IWS1: variants seen among roughly 807,000 people sequenced by gnomAD.
The protein encoded by IWS1 is protein IWS1 homolog.
In IWS1, 27 loss-of-function variants were observed where a neutral mutation model predicts 86.7. The observed-to-expected ratio is 0.31, with a 90% CI of 0.23 to 0.43. IWS1 has a LOEUF of 0.43. Among genes scored for constraint, IWS1 ranks in the 20% least tolerant of loss-of-function variants. The probability of loss-of-function intolerance (pLI) is 1.00; values close to 1 mark genes in which losing one functional copy is unlikely to be tolerated. For missense variants in IWS1, 827 were observed against 1,000.8 expected (o/e 0.83, Z 2.34); for synonymous variants, 313 against 335.1 (o/e 0.93, Z 0.72).
At chr2:127,524,236 C>A (rs936103262) in intron 1 of IWS1, among the ~76,000 whole-genome samples, 7 of 152,172 alleles carry the variant, frequency 4.6e-5, no homozygotes, top group Non-Finnish European at 8.8e-5. Flanking sequence ...CTGCCTAGTA[C>A]CTGATATACA....
Position 127,520,456 on chromosome 2 carries a change from C to T in IWS1, c.150+3220G>A, listed in dbSNP as rs146030671. Among the ~76,000 whole-genome samples the T allele has an allele frequency of 9.5e-3, 1,450 of 152,286 alleles. 28 individuals are homozygous for T. Among genetic ancestry groups the T allele is most frequent in the African/African-American group, 0.033 (1,374 of 41,560 alleles). ...TGCTGGGATTACAGGCAAGGGCCAC[C>T]ACGCCCGGCCTTTGCACTGCTTCAT... On this transcript the variant is annotated intron_variant, in intron 2 of 13. Transcript: ENST00000295321.
chr2:127,517,236 A>T (rs1691824473), intron 2 of IWS1, among the ~76,000 whole-genome samples: 1 of 152,182 alleles, frequency 6.6e-6, no homozygotes, highest in Admixed American at 6.5e-5. Context: ...TCTCTGCAGA[A>T]ATCAACAAAC....
intron 2 of IWS1, among the ~76,000 whole-genome samples, chr2:127,521,695 T>C (rs1415530235): frequency 1.3e-5 from 2 of 152,226 alleles, no homozygotes; most frequent in Non-Finnish European, 2.9e-5. Context: ...AACGGTTGTA[T>C]GGGTACTCAA....
Position 127,503,390 on chromosome 2 carries a change from TCTTCATTGC to T in IWS1, c.1397_1405del (p.Gly466_Glu468del). 1 of 1,610,646 alleles carries T rather than the reference TCTTCATTGC, an allele frequency of 6.2e-7. No homozygotes were observed. The highest frequency in any genetic ancestry group is 1.3e-5 in the African/African-American group (1 of 74,948). ...CTCATGTTATACTGTCACTTACTCTTCTTCATTGCCTGACTCACTGTCACTCCCAAACAG... is the reference window on the plus strand; with the variant it reads ...CTCATGTTATACTGTCACTTACTCTTCTGACTCACTGTCACTCCCAAACAG... On this transcript the variant is annotated inframe_deletion, in exon 4 of 14. Transcript: ENST00000295321.
At chr2:127,524,865 G>A (rs576885234) in intron 1 of IWS1, among the ~76,000 whole-genome samples, 1 of 124,862 alleles carries the variant, frequency 8.0e-6, no homozygotes, top group East Asian at 2.5e-4. Flanking sequence ...AAAGTATCAG[G>A]AAAGTGTTTT....
At chr2:127,520,977 A>C (rs1692061814) in intron 2 of IWS1, among the ~76,000 whole-genome samples, 2 of 152,252 alleles carry the variant, frequency 1.3e-5, no homozygotes, top group African/African-American at 4.8e-5. Context: ...AATAATACAT[A>C]GGCTGGGCAC....
intron 5 of IWS1, among the ~76,000 whole-genome samples, chr2:127,501,059 T>C (rs1221244051): frequency 2.0e-5 from 3 of 152,238 alleles, no homozygotes; most frequent in East Asian, 3.8e-4. Flanking sequence ...TCATTTTGTA[T>C]AGTCAATACT....
Position 127,498,245 on chromosome 2 carries a change from C to G in IWS1, c.1468-8G>C, listed in dbSNP as rs1238691734. ...ATCTTCTTGGTTAAAACCCTAAATGCAAAATTATCACAACCTCCTTACAGA... is the reference window on the plus strand; with the variant it reads ...ATCTTCTTGGTTAAAACCCTAAATGGAAAATTATCACAACCTCCTTACAGA... On this transcript the variant is annotated splice_polypyrimidine_tract_variant and splice_region_variant and intron_variant, in intron 5 of 13. Transcript: ENST00000295321. The G allele has an allele frequency of 6.2e-7, 1 of 1,603,540 alleles. No homozygotes were observed. Among genetic ancestry groups the G allele is most frequent in the African/African-American group, 1.3e-5 (1 of 74,562 alleles).
At chr2:127,501,044 AC>A (rs1192270054) in intron 5 of IWS1, among the ~76,000 whole-genome samples, 1 of 152,248 alleles carries the variant, frequency 6.6e-6, no homozygotes, top group Non-Finnish European at 1.5e-5. Context: ...CACATTAAAT[AC>A]ATTTCATTTT....
intron 10 of IWS1, among the ~76,000 whole-genome samples, chr2:127,490,470 A>G (rs1360757686): frequency 6.6e-6 from 1 of 152,162 alleles, no homozygotes; most frequent in Non-Finnish European, 1.5e-5. Context: ...CATGAAAGAA[A>G]GTATATGCCA....
chr2:127,485,886 T>C (rs334159), intron 13 of IWS1: 132,858 of 152,512 alleles, frequency 0.87, 58,143 homozygotes, highest in East Asian at 1. Context: ...CTCGTGTATA[T>C]ACTCTGGTAG....
intron 13 of IWS1, chr2:127,482,761 A>G (rs2105015387): frequency 1.3e-5 from 2 of 152,368 alleles, no homozygotes; most frequent in Admixed American, 1.3e-4. Flanking sequence ...ACTTACCCCA[A>G]GCTTGAAAAG....
rs552370340 is a variant in IWS1, at chr2:127,523,124, T to C, written c.150+552A>G. Reference sequence around the variant, plus strand: ...CTCGGGAGGCTATGAGGTGGGAGGATAGCTTGAGCCCAGAGGCAGAGGCTG... The same window carrying C: ...CTCGGGAGGCTATGAGGTGGGAGGACAGCTTGAGCCCAGAGGCAGAGGCTG... On this transcript the variant is annotated intron_variant, in intron 2 of 13. Coordinates refer to ENST00000295321, the MANE Select transcript of IWS1 (RefSeq NM_017969.3). 1.2e-3 allele frequency among the ~76,000 whole-genome samples: 190 copies of C among 152,182 alleles called. 2 individuals are homozygous for C. The highest frequency in any genetic ancestry group is 3.7e-3 in the African/African-American group (153 of 41,518).
At chr2:127,488,310 C>T (rs1423446980) in intron 12 of IWS1, among the ~76,000 whole-genome samples, 1 of 152,202 alleles carries the variant, frequency 6.6e-6, no homozygotes, top group Non-Finnish European at 1.5e-5. Context: ...GTTCTAGACC[C>T]ATAATATTTA....
intron 2 of IWS1, among the ~76,000 whole-genome samples, chr2:127,515,869 G>C (rs1691738224): frequency 6.6e-6 from 1 of 152,164 alleles, no homozygotes. Flanking sequence ...TTCCTTCCCA[G>C]GAAGAGCAGG....
At chr2:127,518,849 C>T (rs191531066) in intron 2 of IWS1, among the ~76,000 whole-genome samples, 2 of 152,114 alleles carry the variant, frequency 1.3e-5, no homozygotes, top group Admixed American at 6.5e-5. Flanking sequence ...GGATTACAGG[C>T]GTCAGTCACC....
intron 13 of IWS1, chr2:127,482,566 A>C (rs947742775): frequency 1.3e-5 from 2 of 152,242 alleles, no homozygotes; most frequent in Non-Finnish European, 2.9e-5. Context: ...CGGAAGCTTT[A>C]CCTGCTCAAA....
chr2:127,520,691 G>A (rs1182046430), intron 2 of IWS1, among the ~76,000 whole-genome samples: 1 of 152,160 alleles, frequency 6.6e-6, no homozygotes, highest in Non-Finnish European at 1.5e-5. Flanking sequence ...TCTATGAAGA[G>A]CCTTAAAATG....
In IWS1 at chr2:127,494,992, G is replaced by A. The variant is rs147342413; in HGVS notation, c.1717-38C>T. On this transcript the variant is annotated intron_variant, in intron 7 of 13. Coordinates refer to ENST00000295321, the MANE Select transcript of IWS1 (RefSeq NM_017969.3). Reference sequence around the variant, plus strand: ...AAAATAAAGATTTTTTTTTAAAACAGTACTTTTTATTAATATTGAATTCAC... The same window carrying A: ...AAAATAAAGATTTTTTTTTAAAACAATACTTTTTATTAATATTGAATTCAC... 2,531 of 1,300,048 alleles carry A rather than the reference G, an allele frequency of 1.9e-3. 44 individuals are homozygous for A. In the African/African-American group the frequency reaches 0.034, roughly 17 times the overall value. 80.5% of individuals were successfully genotyped at this position (1,300,048 alleles called of 1,614,324 possible).
Sources: gnomAD v4.1 joint callset for allele counts (sites outside exome capture counted in the v4.1 genomes callset) on GRCh38, gnomAD v4.1.1 for gene constraint, MANE v1.5 for transcripts, NCBI Gene and HGNC (gene_info 2026-07-23, HGNC 2026-07-21) for gene names.